The following MPP3 variants were observed in gnomAD, a reference collection of about 807,000 sequenced individuals.
MPP3 encodes MAGUK p55 scaffold protein 3.
A neutral mutation model predicts 80.7 loss-of-function variants in MPP3; 48 were observed. The ratio of observed to expected loss-of-function variants is 0.59; its 90% confidence interval spans 0.47 to 0.76. MPP3 has a LOEUF of 0.76. MPP3 is among the 30% of genes least tolerant of loss of function. MPP3 has a pLI of 0.00. For synonymous variants in MPP3, 311 were observed against 297.6 expected (o/e 1.04, Z -0.46); for missense variants, 620 against 763.0 (o/e 0.81, Z 2.21).
chr17:43,820,763 A>C, intron 11 of MPP3, 99 bp downstream of exon 11: 2 of 1,108,466 alleles, frequency 1.8e-6, no homozygotes, highest in Non-Finnish European at 2.6e-6. Flanking sequence ...AATGCTCAGC[A>C]GGCCCCTCTG....
chr17:43,824,731 T>C (rs943557911), intron 9 of MPP3, among the ~76,000 whole-genome samples: 5 of 152,212 alleles, frequency 3.3e-5, no homozygotes, highest in East Asian at 1.9e-4. Flanking sequence ...CTGAAGGGCC[T>C]GCCTGCAATC....
At chr17:43,814,475 C>A (rs777826351) in intron 14 of MPP3, 114 bp from the exon 15 acceptor site, 2 of 1,041,344 alleles carry the variant, frequency 1.9e-6, no homozygotes, top group Non-Finnish European at 2.7e-6. Flanking sequence ...GTCCCACTGA[C>A]TTCTCCCAAC....
chr17:43,811,786 T>C (rs2044873361), intron 16 of MPP3, among the ~76,000 whole-genome samples: 1 of 151,836 alleles, frequency 6.6e-6, no homozygotes, highest in Non-Finnish European at 1.5e-5. Flanking sequence ...AGAGATGGGG[T>C]TTCTCCATGT....
intron 19 of MPP3, among the ~76,000 whole-genome samples, chr17:43,804,980 T>C (rs1333006699): frequency 6.6e-6 from 1 of 152,044 alleles, no homozygotes; most frequent in African/African-American, 2.4e-5. Flanking sequence ...ACCGCACCAT[T>C]GCGCTCCAGC....
rs748949413 is a variant in MPP3, at chr17:43,814,068, C to A, written c.1198G>T (p.Glu400Ter). The stretch of plus-strand genomic sequence containing the variant: ...TCAGCCACCACCTTTTGCTTCAGCT[C>A]GTGCAGTCGGGCTCCCAGAGACCCT... ...LIGSLGARLH[E>*]LKQKVVAENP... is the part of the protein sequence containing the mutation. The change falls in exon 16 of 20, where the codon GAG (glutamate) becomes TAG (stop). Residue 400 changes from glutamate to a stop codon, truncating the protein, a stop_gained. Transcript: ENST00000398389. LOFTEE classifies it high-confidence loss of function. 6.2e-7 allele frequency: 1 copy of A among 1,613,460 alleles called. No individual in the cohort carries two copies.
At chr17:43,802,519 C>G (rs1376573793) in intron 19 of MPP3, among the ~76,000 whole-genome samples, 4 of 152,202 alleles carry the variant, frequency 2.6e-5, no homozygotes, top group Non-Finnish European at 5.9e-5. Context: ...CAGCTGATCT[C>G]TTTAATCAGA....
rs762773671 is a variant in MPP3, at chr17:43,830,086, C to T, written c.244G>A (p.Ala82Thr). 62 of 1,549,444 alleles carry T rather than the reference C, an allele frequency of 4.0e-5. No homozygotes were observed. Among genetic ancestry groups the T allele is most frequent in the South Asian group, 5.0e-5 (4 of 80,522 alleles). ...AEDVMEELQA[A>T]SVHSDERELL... ...TCCCTCTCATCACTGTGCACGGAGG[C>T]GGCCTGCAACTCCTCCATCACCTGC... Residue 82 changes from alanine (A) to threonine (T), a missense_variant, in exon 6 of 20, where the codon GCC becomes ACC. Ala to Thr is a moderately conservative substitution (Grantham distance 58, BLOSUM62 0). Transcript: ENST00000398389.
intron 12 of MPP3, 54 bp downstream of exon 12, chr17:43,817,992 C>T (rs764147596): frequency 7.5e-5 from 112 of 1,501,860 alleles, no homozygotes; most frequent in Admixed American, 1.8e-4. Context: ...CTGAATCCTC[C>T]CTCGCCCTAA....
At position 43,814,078 on chromosome 17, in the gene MPP3, G is replaced by T. The variant is rs747540610; in HGVS notation, c.1188C>A (p.Ala396=). Residue 396 remains alanine, a synonymous_variant, in exon 16 of 20, where the codon GCC becomes GCA. Transcript: ENST00000398389. ...RLVVLIGSLG[A]RLHELKQKVV... is the part of the protein sequence containing the mutation. The stretch of plus-strand genomic sequence containing the variant: ...CCTTTTGCTTCAGCTCGTGCAGTCG[G>T]GCTCCCAGAGACCCTGGGAAACAAG... 2 of 1,612,976 alleles carry T rather than the reference G, an allele frequency of 1.2e-6. No homozygotes were observed. The highest frequency in any genetic ancestry group is 1.7e-4 in the Middle Eastern group (1 of 6,056).
chr17:43,808,897 C>A, intron 19 of MPP3, 59 bp downstream of exon 19: 8 of 1,554,056 alleles, frequency 5.1e-6, no homozygotes, highest in Non-Finnish European at 6.0e-6. Flanking sequence ...CAGCTAGAAG[C>A]GTTCCTGTAA....
intron 16 of MPP3, 21 bp from the exon 17 acceptor site, chr17:43,811,226 G>A (rs755226230): frequency 5.5e-5 from 88 of 1,592,388 alleles, no homozygotes; most frequent in Non-Finnish European, 6.8e-5. Flanking sequence ...AAGAAGGAAA[G>A]CTGGGCAAAG....
chr17:43,805,356 T>C (rs1179352793), intron 19 of MPP3, among the ~76,000 whole-genome samples: 1 of 152,328 alleles, frequency 6.6e-6, no homozygotes, highest in African/African-American at 2.4e-5. Flanking sequence ...ATGGGAACTC[T>C]TGAACACTGC....
At chr17:43,831,122 C>G in intron 5 of MPP3, 122 bp downstream of exon 5, 5 of 876,504 alleles carry the variant, frequency 5.7e-6, no homozygotes, top group Non-Finnish European at 1.8e-6. Context: ...GGGAAGAAAA[C>G]ACCTCTTCAC....
intron 14 of MPP3, chr17:43,814,574 C>G: frequency 4.3e-6 from 2 of 463,738 alleles, no homozygotes; most frequent in East Asian, 3.3e-5. Context: ...GGCTTAAGGT[C>G]ACTGTTTTAC....
chr17:43,825,985 G>A (rs890575408), intron 8 of MPP3, 144 bp from the exon 9 acceptor site: 8 of 617,844 alleles, frequency 1.3e-5, no homozygotes, highest in African/African-American at 5.5e-5. Flanking sequence ...GGACTGGGGC[G>A]AACTAAGCCC....
At chr17:43,816,936 C>T (rs986272037) in intron 12 of MPP3, among the ~76,000 whole-genome samples, 1 of 152,220 alleles carries the variant, frequency 6.6e-6, no homozygotes, top group African/African-American at 2.4e-5. Context: ...AGTGGCACAG[C>T]AGCCTCAAGG....
chr17:43,805,636 G>C (rs1178334518), intron 19 of MPP3, among the ~76,000 whole-genome samples: 1 of 152,138 alleles, frequency 6.6e-6, no homozygotes, highest in Admixed American at 6.5e-5. Context: ...ATGAAGTATT[G>C]ATACATGAAT....
intron 16 of MPP3, among the ~76,000 whole-genome samples, chr17:43,812,679 A>G (rs1453238882): frequency 2.6e-5 from 4 of 152,174 alleles, no homozygotes; most frequent in African/African-American, 9.7e-5. Context: ...CAAAGGAGGA[A>G]AGTCTCCTAT....
chr17:43,829,405 C>T (rs2045856221), intron 7 of MPP3, among the ~76,000 whole-genome samples: 1 of 152,214 alleles, frequency 6.6e-6, no homozygotes, highest in African/African-American at 2.4e-5. Context: ...AAAGCATGAT[C>T]AGGGTCACCC....
Sources: gnomAD v4.1 joint callset for allele counts (sites outside exome capture counted in the v4.1 genomes callset) on GRCh38, gnomAD v4.1.1 for gene constraint, MANE v1.5 for transcripts, NCBI Gene and HGNC (gene_info 2026-07-23, HGNC 2026-07-21) for gene names.